The following ADAM12 variants were observed in gnomAD, a reference collection of about 807,000 sequenced individuals.
ADAM12 encodes the protein disintegrin and metalloproteinase domain-containing protein 12.
A neutral mutation model predicts 106.4 loss-of-function variants in ADAM12; 70 were observed. The observed-to-expected ratio is 0.66, with a 90% CI of 0.54 to 0.80. The LOEUF is 0.80. Ranked by LOEUF, ADAM12 falls within the 30% of genes least tolerant of loss-of-function variation. The pLI, the probability that ADAM12 is intolerant of heterozygous loss-of-function variation, is 0.00. For missense variants in ADAM12, 1,010 were observed against 1,171.9 expected (o/e 0.86, Z 2.02); for synonymous variants, 420 against 433.5 (o/e 0.97, Z 0.39).
chr10:126,230,336 A>G (rs1320345476), intron 3 of ADAM12, among the ~76,000 whole-genome samples: 1 of 152,180 alleles, frequency 6.6e-6, no homozygotes, highest in Non-Finnish European at 1.5e-5. Flanking sequence ...CAACATCTTC[A>G]ATGCCTATCA....
At chr10:126,036,398 G>A in intron 20 of ADAM12, 73 bp from the exon 21 acceptor site, 1 of 1,481,504 alleles carries the variant, frequency 6.7e-7, no homozygotes, top group Non-Finnish European at 9.0e-7. Context: ...GGAAAAAGCA[G>A]TGCTAACTCA....
chr10:126,366,730 G>A (rs1855924919), intron 1 of ADAM12, among the ~76,000 whole-genome samples: 1 of 152,004 alleles, frequency 6.6e-6, no homozygotes, highest in Non-Finnish European at 1.5e-5. Flanking sequence ...TGAAAAAAAT[G>A]CTCTGCGCAT....
chr10:126,213,631 T>A (rs1047118162), intron 3 of ADAM12, among the ~76,000 whole-genome samples: 2 of 152,206 alleles, frequency 1.3e-5, no homozygotes, highest in Non-Finnish European at 2.9e-5. Flanking sequence ...ACAGGCTAAA[T>A]TACCCATCAA....
intron 1 of ADAM12, among the ~76,000 whole-genome samples, chr10:126,340,667 G>A (rs1198705225): frequency 6.6e-6 from 1 of 151,124 alleles, no homozygotes; most frequent in Non-Finnish European, 1.5e-5. Flanking sequence ...CCACCATACT[G>A]ACCAGCCTCC....
chr10:126,135,682 T>A (rs1956392501), intron 4 of ADAM12, 22 bp from the exon 5 acceptor site: 1 of 1,603,836 alleles, frequency 6.2e-7, no homozygotes, highest in Admixed American at 1.7e-5. Context: ...GAGGAGAGAA[T>A]CCCATTTCAG....
chr10:126,037,656 A>C, intron 20 of ADAM12, among the ~76,000 whole-genome samples: 1 of 152,156 alleles, frequency 6.6e-6, no homozygotes, highest in East Asian at 1.9e-4. Context: ...TCTAGCTGTA[A>C]TTCACCAGGG....
In ADAM12 at chr10:126,293,317, C is replaced by T. The variant is rs114915752; in HGVS notation, c.187-14329G>A. ...ACTAACTAGAGGCCACCAATTCTCC[C>T]AGCCCCACCTGCCCTATGGGATCCA... On this transcript the variant is annotated intron_variant, in intron 2 of 22. Coordinates refer to ENST00000448723, the MANE Select transcript of ADAM12 (RefSeq NM_001288973.2). Among the ~76,000 whole-genome samples the T allele has an allele frequency of 5.1e-3, 769 of 152,126 alleles. 9 individuals are homozygous for T. The highest frequency in any genetic ancestry group is 0.018 in the African/African-American group (730 of 41,488).
At chr10:126,161,754 G>A (rs547482220) in intron 3 of ADAM12, among the ~76,000 whole-genome samples, 4 of 152,162 alleles carry the variant, frequency 2.6e-5, no homozygotes, top group Non-Finnish European at 4.4e-5. Context: ...GTCCCCTGGA[G>A]AGAACTAAGG....
intron 14 of ADAM12, among the ~76,000 whole-genome samples, chr10:126,052,409 A>G (rs1293687262): frequency 6.6e-6 from 1 of 152,244 alleles, no homozygotes; most frequent in African/African-American, 2.4e-5. Flanking sequence ...ACGCAATGCT[A>G]TTCTGATGTC....
chr10:126,331,662 A>G (rs979052522), intron 1 of ADAM12, among the ~76,000 whole-genome samples: 39 of 152,180 alleles, frequency 2.6e-4, no homozygotes, highest in African/African-American at 8.4e-4. Context: ...ACAGGAATGA[A>G]CTGAAAGTCC....
chr10:126,179,452 C>A (rs1957275039), intron 3 of ADAM12, among the ~76,000 whole-genome samples: 1 of 152,152 alleles, frequency 6.6e-6, no homozygotes, highest in Non-Finnish European at 1.5e-5. Flanking sequence ...GTGGTAATGG[C>A]CACTCTGATA....
chr10:126,154,167 T>C (rs1218610387), intron 4 of ADAM12, among the ~76,000 whole-genome samples: 2 of 152,132 alleles, frequency 1.3e-5, no homozygotes, highest in Admixed American at 1.3e-4. Context: ...GCCCTTTGGG[T>C]CTTTGAATAG....
At chr10:126,139,659 T>G (rs1956474138) in intron 4 of ADAM12, among the ~76,000 whole-genome samples, 1 of 146,632 alleles carries the variant, frequency 6.8e-6, no homozygotes. Flanking sequence ...GGGTGGGGAG[T>G]GGCATCCAGG....
In ADAM12 at chr10:126,080,609, G is replaced by A. The variant is rs111587500; in HGVS notation, c.1146-8955C>T. 3.2e-3 allele frequency among the ~76,000 whole-genome samples: 488 copies of A among 152,290 alleles called. 5 individuals are homozygous for A. The highest frequency in any genetic ancestry group is 0.011 in the African/African-American group (473 of 41,554). On this transcript the variant is annotated intron_variant, in intron 11 of 22. Transcript: ENST00000448723. ...GCAGGGTGACTGTGGCCCCCGCTAC[G>A]ATGTGACCTCTTTTGTTAGCCTTGC...
At chr10:126,157,146 T>C (rs899922514) in intron 3 of ADAM12, among the ~76,000 whole-genome samples, 1 of 152,218 alleles carries the variant, frequency 6.6e-6, no homozygotes, top group Admixed American at 6.5e-5. Flanking sequence ...GACGTCTTTC[T>C]TCTCTGTTCT....
intron 4 of ADAM12, among the ~76,000 whole-genome samples, chr10:126,143,364 T>C (rs111210242): frequency 2.7e-5 from 4 of 146,818 alleles, no homozygotes; most frequent in African/African-American, 1.0e-4. Context: ...TATATATACA[T>C]GTGTATATGC....
chr10:126,099,930 A>C (rs1955628503), intron 9 of ADAM12, among the ~76,000 whole-genome samples: 2 of 152,212 alleles, frequency 1.3e-5, no homozygotes, highest in African/African-American at 4.8e-5. Context: ...TTTAAATAAA[A>C]ATTTGTCACT....
Position 126,134,219 on chromosome 10 carries a change from T to TA in ADAM12, c.416+1364dup, listed in dbSNP as rs143773740. The stretch of plus-strand genomic sequence containing the variant: ...CATAAATAGGACATAAAAATGCTTT[T>TA]AAAAAAATGCAGGTATGCAGAAATG... On this transcript the variant is annotated intron_variant, in intron 5 of 22. Coordinates refer to ENST00000448723, the MANE Select transcript of ADAM12 (RefSeq NM_001288973.2). Among the ~76,000 whole-genome samples, 1,198 of 152,294 alleles carry TA rather than the reference T, an allele frequency of 7.9e-3. 15 individuals carry two copies. The highest frequency in any genetic ancestry group is 0.028 in the African/African-American group (1,158 of 41,570).
At chr10:126,324,671 CA>C (rs1464242886) in intron 2 of ADAM12, among the ~76,000 whole-genome samples, 2 of 152,062 alleles carry the variant, frequency 1.3e-5, no homozygotes, top group African/African-American at 4.8e-5. Context: ...AGAAGTGTTT[CA>C]AACCTTACTA....
Sources: gnomAD v4.1 joint callset for allele counts (sites outside exome capture counted in the v4.1 genomes callset) on GRCh38, gnomAD v4.1.1 for gene constraint, MANE v1.5 for transcripts, NCBI Gene and HGNC (gene_info 2026-07-23, HGNC 2026-07-21) for gene names.